Variants in COL22A1 observed in about 807,000 individuals in gnomAD.
The protein encoded by COL22A1 is collagen type XXII alpha 1 chain.
Under a neutral mutation model 248.9 loss-of-function variants are expected in COL22A1, and 221 were observed. That is an observed-to-expected ratio of 0.89 (90% CI 0.80 to 0.99). COL22A1 has a LOEUF of 0.99. Among genes scored for constraint, COL22A1 ranks in the 50% least tolerant of loss-of-function variants. The pLI is 0.00. For missense variants in COL22A1, 2,240 were observed against 2,179.0 expected, an observed-to-expected ratio of 1.03 and a Z score of -0.56; for synonymous variants, 891 against 793.4, an observed-to-expected ratio of 1.12 and a Z score of -2.07.
At chr8:138,913,377 GC>G in intron 1 of COL22A1, among the ~76,000 whole-genome samples, 1 of 152,240 alleles carries the variant, frequency 6.6e-6, no homozygotes, top group Non-Finnish European at 1.5e-5. Flanking sequence ...TCACGGATTT[GC>G]CGCTATTTTA....
At chr8:138,763,412 C>A (rs1182752567) in intron 16 of COL22A1, among the ~76,000 whole-genome samples, 10 of 151,830 alleles carry the variant, frequency 6.6e-5, no homozygotes, top group African/African-American at 2.4e-4. Flanking sequence ...AGAAAAAGAT[C>A]CCTATGAGCA....
intron 56 of COL22A1, among the ~76,000 whole-genome samples, chr8:138,612,740 A>G (rs1314714895): frequency 6.6e-6 from 1 of 151,918 alleles, no homozygotes; most frequent in Non-Finnish European, 1.5e-5. Context: ...CAGCCTGGCC[A>G]ACGTGGCAAA....
At chr8:138,720,581 A>G (rs1296725967) in intron 27 of COL22A1, among the ~76,000 whole-genome samples, 158 bp downstream of exon 27, 1 of 152,000 alleles carries the variant, frequency 6.6e-6, no homozygotes, top group Admixed American at 6.6e-5. Context: ...TCCTGGTTGG[A>G]GCCCTTAACC....
chr8:138,765,822 G>A (rs1467543983), intron 16 of COL22A1, among the ~76,000 whole-genome samples: 2 of 152,234 alleles, frequency 1.3e-5, no homozygotes, highest in Non-Finnish European at 2.9e-5. Flanking sequence ...AAGGCAGGGA[G>A]AGCCGGCTGC....
At chr8:138,617,075 T>C in intron 53 of COL22A1, 117 bp from the exon 54 acceptor site, 1 of 1,035,128 alleles carries the variant, frequency 9.7e-7, no homozygotes, top group South Asian at 1.3e-5. Flanking sequence ...CTTTACCATT[T>C]GCAGGATACT....
At position 138,912,308 on chromosome 8, in the gene COL22A1, T is replaced by G. The variant is rs537818750; in HGVS notation, c.-73+1311A>C. Among the ~76,000 whole-genome samples, 198 of 152,326 alleles carry G rather than the reference T, an allele frequency of 1.3e-3. 1 individual carries two copies. Among genetic ancestry groups the G allele is most frequent in the South Asian group, 2.7e-3 (13 of 4,828 alleles). On this transcript the variant is annotated intron_variant, in intron 1 of 64. Transcript: ENST00000303045. ...CAGGCCTCTAACAAAAATGAAGCCC[T>G]GCAATTTCAAATTTTCCTGGAACCT...
intron 34 of COL22A1, 136 bp downstream of exon 34, chr8:138,694,372 C>T: frequency 1.1e-6 from 1 of 893,040 alleles, no homozygotes. Flanking sequence ...GCCTCTGCAG[C>T]ACATTGGGGC....
At chr8:138,791,800 A>T (rs1315421281) in intron 12 of COL22A1, among the ~76,000 whole-genome samples, 1 of 152,198 alleles carries the variant, frequency 6.6e-6, no homozygotes, top group African/African-American at 2.4e-5. Flanking sequence ...GTAAAATTGA[A>T]GAAAACCATA....
At chr8:138,681,743 C>G (rs141456377) in intron 39 of COL22A1, among the ~76,000 whole-genome samples, 21 of 152,288 alleles carry the variant, frequency 1.4e-4, no homozygotes, top group African/African-American at 4.8e-4. Context: ...CTGCCCCTCT[C>G]CATATATACC....
intron 13 of COL22A1, among the ~76,000 whole-genome samples, chr8:138,780,721 G>A (rs1170064511): frequency 1.3e-5 from 2 of 152,174 alleles, no homozygotes; most frequent in Non-Finnish European, 2.9e-5. Flanking sequence ...AGGACAGGCA[G>A]GCGATACCCG....
At chr8:138,755,883 C>T in intron 18 of COL22A1, 54 bp from the exon 19 acceptor site, 2 of 1,498,378 alleles carry the variant, frequency 1.3e-6, no homozygotes, top group South Asian at 1.1e-5. Flanking sequence ...CCTTCTGTGG[C>T]AGTCCCATCC....
chr8:138,901,369 G>GTTGTT (rs1814547628), intron 1 of COL22A1, among the ~76,000 whole-genome samples: 1 of 118,772 alleles, frequency 8.4e-6, no homozygotes, highest in East Asian at 2.7e-4. Flanking sequence ...TTTTTTTTTT[G>GTTGTT]TTTTTTTTTT....
At chr8:138,638,003 TCAA>T (rs1821340827) in intron 47 of COL22A1, among the ~76,000 whole-genome samples, 1 of 152,164 alleles carries the variant, frequency 6.6e-6, no homozygotes, top group Non-Finnish European at 1.5e-5. Flanking sequence ...ATCATAATGA[TCAA>T]CAACACCATG....
At chr8:138,592,856 T>C (rs532181141) in intron 63 of COL22A1, among the ~76,000 whole-genome samples, 7 of 152,170 alleles carry the variant, frequency 4.6e-5, no homozygotes, top group Non-Finnish European at 7.3e-5. Flanking sequence ...CTTAAAAAAA[T>C]AGATAAAATA....
rs71316365 is a variant in COL22A1 at position 138,834,347 on chromosome 8, G to GAAAAAAAA, written c.734-1205_734-1198dup. Among the ~76,000 whole-genome samples, 543 of 128,572 alleles carry GAAAAAAAA rather than the reference G, an allele frequency of 4.2e-3. 1 individual carries two copies. Among genetic ancestry groups the GAAAAAAAA allele is most frequent in the Middle Eastern group, 8.3e-3 (2 of 240 alleles). The allele number at this position is 128,572 out of a possible 152,430, so 84.3% of individuals were successfully genotyped here. ...AGGCACTACTGAAAAAAGAGAAAAA[G>GAAAAAAAA]AAAAAAAAAAAAACAGGAAATGGAC... On this transcript the variant is annotated intron_variant, in intron 4 of 64. Coordinates refer to ENST00000303045, the MANE Select transcript of COL22A1 (RefSeq NM_152888.3).
chr8:138,866,147 C>T (rs1822877825), intron 3 of COL22A1, among the ~76,000 whole-genome samples: 1 of 152,162 alleles, frequency 6.6e-6, no homozygotes, highest in Admixed American at 6.5e-5. Context: ...AAACATGCAG[C>T]TTTGACACTT....
chr8:138,782,938 C>T (rs1252902421), intron 12 of COL22A1, among the ~76,000 whole-genome samples: 2 of 152,160 alleles, frequency 1.3e-5, no homozygotes, highest in Admixed American at 1.3e-4. Flanking sequence ...TGCTCTGCTG[C>T]CCTTACCTGA....
chr8:138,742,526 A>T (rs111162975), intron 22 of COL22A1, among the ~76,000 whole-genome samples: 2,843 of 147,628 alleles, frequency 0.019, 84 homozygotes, highest in African/African-American at 0.07. Flanking sequence ...GGTAGTAGTG[A>T]TTGTGATGGT....
chr8:138,773,391 C>T (rs559999452), intron 16 of COL22A1, among the ~76,000 whole-genome samples: 9 of 152,348 alleles, frequency 5.9e-5, no homozygotes, highest in South Asian at 4.1e-4. Context: ...CCTTCAAATA[C>T]GGCTGTCTCT....
Sources: allele counts gnomAD v4.1 joint callset (sites outside exome capture counted in the v4.1 genomes callset), GRCh38; gene constraint gnomAD v4.1.1; transcripts MANE v1.5; gene names NCBI Gene and HGNC (gene_info 2026-07-23, HGNC 2026-07-21).